Variants in ANKS1B observed in about 807,000 individuals in gnomAD.
The protein encoded by ANKS1B is ankyrin repeat and sterile alpha motif domain-containing protein 1B.
In ANKS1B, 36 loss-of-function variants were observed where a neutral mutation model predicts 148.3. The ratio of observed to expected loss-of-function variants is 0.24; its 90% CI spans 0.19 to 0.32. The LOEUF is 0.32. Among genes scored for constraint, ANKS1B ranks in the 10% least tolerant of loss-of-function variants. The pLI is 1.00. For missense variants in ANKS1B, 1,157 were observed against 1,542.6 expected, an observed-to-expected ratio of 0.75 and a Z score of 4.19; for synonymous variants, 542 against 560.8, an observed-to-expected ratio of 0.97 and a Z score of 0.47.
rs1007751264 is a variant in ANKS1B at position 99,353,386 on chromosome 12, A to G, written c.1756+46245T>C. 6.9e-4 allele frequency among the ~76,000 whole-genome samples: 105 copies of G among 152,150 alleles called. 1 individual carries two copies. The highest frequency in any genetic ancestry group is 5.8e-4 in the East Asian group (3 of 5,164). ...AAGCACATAATAAATGGCACTGGCTATTACTATCATCATCTTGTAACATAC... is the reference window on the plus strand; with the variant it reads ...AAGCACATAATAAATGGCACTGGCTGTTACTATCATCATCTTGTAACATAC... On this transcript the variant is annotated intron_variant, in intron 12 of 26. Transcript: ENST00000683438.
rs533363276 is a variant in ANKS1B at position 99,600,367 on chromosome 12, A to C, written c.1272+54700T>G. Among the ~76,000 whole-genome samples, 4 of 152,162 alleles carry C rather than the reference A, an allele frequency of 2.6e-5. No homozygotes were observed. In the South Asian group the frequency reaches 6.2e-4, roughly 24 times the overall value. ...CATCCCGTGACTACTCAAGCTCTAC[A>C]TCATTTCTTCTACAATACCACATCA... On this transcript the variant is annotated intron_variant, in intron 9 of 26. Transcript: ENST00000683438.
At chr12:99,921,374 C>G (rs1011677383) in intron 1 of ANKS1B, among the ~76,000 whole-genome samples, 6 of 152,094 alleles carry the variant, frequency 3.9e-5, no homozygotes, top group African/African-American at 1.2e-4. Context: ...TTCTTGAGGC[C>G]TCTCCAGCCA....
chr12:99,517,238 G>T (rs1383544279), intron 9 of ANKS1B, among the ~76,000 whole-genome samples: 10 of 151,538 alleles, frequency 6.6e-5, no homozygotes. Flanking sequence ...ACTTCTTTAG[G>T]TAATTCCTAG....
At chr12:99,392,154 G>T (rs1432180328) in intron 12 of ANKS1B, among the ~76,000 whole-genome samples, 1 of 152,214 alleles carries the variant, frequency 6.6e-6, no homozygotes, top group Non-Finnish European at 1.5e-5. Context: ...GCCTGTTCCT[G>T]GCCTTCCTGT....
chr12:99,848,354 T>C (rs1173193886), intron 1 of ANKS1B, among the ~76,000 whole-genome samples: 1 of 152,140 alleles, frequency 6.6e-6, no homozygotes, highest in Non-Finnish European at 1.5e-5. Flanking sequence ...GAACAGACCA[T>C]GTATTCCCTA....
intron 9 of ANKS1B, among the ~76,000 whole-genome samples, chr12:99,510,351 G>C (rs1413285565): frequency 6.6e-6 from 1 of 151,956 alleles, no homozygotes; most frequent in Non-Finnish European, 1.5e-5. Flanking sequence ...ACCTAGACAA[G>C]ATTTTCCATT....
chr12:98,861,268 T>C (rs1018409074), intron 17 of ANKS1B, among the ~76,000 whole-genome samples: 43 of 152,236 alleles, frequency 2.8e-4, no homozygotes, highest in Non-Finnish European at 8.8e-5. Flanking sequence ...AATCTTGATT[T>C]TGCCATTTCT....
At chr12:99,578,371 GAGAA>G (rs1567394616) in intron 9 of ANKS1B, among the ~76,000 whole-genome samples, 1 of 152,042 alleles carries the variant, frequency 6.6e-6, no homozygotes, top group Non-Finnish European at 1.5e-5. Flanking sequence ...AATCAGGCAA[GAGAA>G]AGAAATAAAA....
Position 98,745,706 on chromosome 12 carries a change from C to A in ANKS1B, c.*33G>T. 1 of 1,609,386 alleles carries A rather than the reference C, an allele frequency of 6.2e-7. No homozygotes were observed. The highest frequency in any genetic ancestry group is 8.5e-7 in the Non-Finnish European group (1 of 1,177,514). On this transcript the variant is annotated 3_prime_UTR_variant, in exon 27 of 27. Coordinates refer to ENST00000683438, the MANE Select transcript of ANKS1B (RefSeq NM_001352186.2). ...GCCTGCTCCGGGACCGCTTGGCGAG[C>A]AAGGCACCGCGAGGACAGGAGGACG...
intron 8 of ANKS1B, among the ~76,000 whole-genome samples, chr12:99,661,208 C>G (rs181893048): frequency 6.6e-6 from 1 of 152,220 alleles, no homozygotes; most frequent in Non-Finnish European, 1.5e-5. Context: ...ACAAGATAAG[C>G]GTAATCACCC....
At chr12:99,690,871 G>A (rs575834249) in intron 8 of ANKS1B, among the ~76,000 whole-genome samples, 1 of 152,324 alleles carries the variant, frequency 6.6e-6, no homozygotes, top group South Asian at 2.1e-4. Context: ...TCTGTGTGGA[G>A]GCTTCAACCC....
chr12:99,654,970 G>C (rs958481403), intron 9 of ANKS1B, 97 bp downstream of exon 9: 4 of 1,331,524 alleles, frequency 3.0e-6, no homozygotes, highest in Non-Finnish European at 4.1e-6. Flanking sequence ...AAGTGAACAA[G>C]ATCCTAATTT....
intron 14 of ANKS1B, among the ~76,000 whole-genome samples, chr12:99,173,033 T>A (rs2077959723): frequency 6.6e-6 from 1 of 152,164 alleles, no homozygotes; most frequent in Non-Finnish European, 1.5e-5. Flanking sequence ...CTATCTAAAA[T>A]CCATGAAATC....
intron 8 of ANKS1B, among the ~76,000 whole-genome samples, chr12:99,709,227 TAAA>T (rs1216089467): frequency 6.6e-6 from 1 of 152,080 alleles, no homozygotes; most frequent in African/African-American, 2.4e-5. Context: ...AGTGAACACT[TAAA>T]GAATTCTAAT....
At chr12:99,486,455 CTTAT>C (rs145790526) in intron 10 of ANKS1B, among the ~76,000 whole-genome samples, 57,099 of 146,652 alleles carry the variant, frequency 0.39, 11,222 homozygotes, top group Admixed American at 0.45. Flanking sequence ...ATGGCATGTG[CTTAT>C]TTATTTATTT....
intron 11 of ANKS1B, among the ~76,000 whole-genome samples, chr12:99,432,609 A>G (rs1457222367): frequency 6.6e-6 from 1 of 152,206 alleles, no homozygotes; most frequent in Non-Finnish European, 1.5e-5. Flanking sequence ...GGGAGTGAAA[A>G]TTGTTATAAA....
At chr12:99,856,308 C>A (rs2089049514) in intron 1 of ANKS1B, among the ~76,000 whole-genome samples, 1 of 151,978 alleles carries the variant, frequency 6.6e-6, no homozygotes, top group Admixed American at 6.6e-5. Context: ...ACATAGAAAA[C>A]CTAGTGGACA....
chr12:99,438,063 A>T (rs1024740687), intron 11 of ANKS1B, among the ~76,000 whole-genome samples: 3 of 151,480 alleles, frequency 2.0e-5, no homozygotes, highest in Admixed American at 6.6e-5. Context: ...TCACTTTAAA[A>T]TTTTTTTTCT....
chr12:99,268,258 T>C (rs528175027), intron 12 of ANKS1B, among the ~76,000 whole-genome samples: 2 of 152,310 alleles, frequency 1.3e-5, no homozygotes, highest in South Asian at 2.1e-4. Flanking sequence ...TCAGTATCTG[T>C]CATATTAAAA....
Sources: gnomAD v4.1 joint callset for allele counts (sites outside exome capture counted in the v4.1 genomes callset) on GRCh38, gnomAD v4.1.1 for gene constraint, MANE v1.5 for transcripts, NCBI Gene and HGNC (gene_info 2026-07-23, HGNC 2026-07-21) for gene names.